TNRC6B: variants seen among roughly 807,000 people sequenced by gnomAD.
The protein encoded by TNRC6B is trinucleotide repeat containing adaptor 6B.
A neutral mutation model predicts 203.6 loss-of-function variants in TNRC6B; 52 were observed. That is an observed-to-expected ratio of 0.26 (90% CI 0.20 to 0.32). The LOEUF (loss-of-function observed/expected upper bound fraction) is 0.32, where lower values mean the gene tolerates loss of function less well. Ranked by LOEUF, TNRC6B falls within the 10% of genes least tolerant of loss-of-function variation. TNRC6B has a pLI of 1.00. For missense variants in TNRC6B, 1,923 were observed against 2,286.2 expected, an observed-to-expected ratio of 0.84 and a Z score of 3.24; for synonymous variants, 838 against 845.7, an observed-to-expected ratio of 0.99 and a Z score of 0.16.
intron 4 of TNRC6B, among the ~76,000 whole-genome samples, chr22:40,172,916 A>G (rs1313718593): frequency 1.3e-5 from 2 of 152,236 alleles, no homozygotes; most frequent in East Asian, 1.9e-4. Context: ...ACTATCATCC[A>G]TCTTATTTAA....
chr22:40,156,018 A>G (rs1362161157), intron 3 of TNRC6B: 10 of 1,066,624 alleles, frequency 9.4e-6, no homozygotes, highest in Non-Finnish European at 1.4e-5. Context: ...CCACAGTGAA[A>G]CGGCCCTGTG....
At chr22:40,299,158 C>CAAAAA (rs796432826) in intron 12 of TNRC6B, among the ~76,000 whole-genome samples, 2 of 103,078 alleles carry the variant, frequency 1.9e-5, no homozygotes, top group African/African-American at 3.9e-5. Context: ...AAAAAAAAAA[C>CAAAAA]AAAAAAAAAA....
chr22:40,266,298 A>G lies in TNRC6B; in HGVS notation c.2068A>G (p.Lys690Glu), dbSNP rs2070478813. ...GGAGCTCTCAGCCTCTACAGAGTGG[A>G]AAGACCCCAAGAACACAGGAGGCTG... is the stretch of plus-strand genomic sequence containing the variant. ...WGELSASTEW[K>E]DPKNTGGWND... Residue 690 changes from lysine (K) to glutamate (E), a missense_variant, in exon 5 of 23, where the codon AAA (lysine) becomes GAA (glutamate). By Grantham distance (56) the Lys-to-Glu change is moderately conservative. Transcript: ENST00000454349. 1.9e-6 allele frequency: 3 copies of G among 1,593,654 alleles called. No individual in the cohort carries two copies. Among genetic ancestry groups the G allele is most frequent in the African/African-American group, 1.3e-5 (1 of 74,490 alleles).
At chr22:40,234,731 CT>C (rs1249251155) in intron 1 of TNRC6B, among the ~76,000 whole-genome samples, 5 of 152,134 alleles carry the variant, frequency 3.3e-5, no homozygotes, top group Non-Finnish European at 4.4e-5. Context: ...TTACCTTAAT[CT>C]TTCTAGTTTT....
chr22:40,192,433 G>A (rs898571379), intron 1 of TNRC6B, among the ~76,000 whole-genome samples: 1 of 152,076 alleles, frequency 6.6e-6, no homozygotes, highest in East Asian at 1.9e-4. Context: ...CCTAGCCAAC[G>A]TGGTGAAACC....
intron 21 of TNRC6B, among the ~76,000 whole-genome samples, chr22:40,317,978 C>G (rs774134284): frequency 4.6e-5 from 7 of 152,172 alleles, no homozygotes; most frequent in Admixed American, 4.6e-4. Flanking sequence ...ATGATTAGGT[C>G]TCTGGCCTAA....
intron 1 of TNRC6B, among the ~76,000 whole-genome samples, chr22:40,214,890 A>C (rs889721811): frequency 6.6e-6 from 1 of 152,160 alleles, no homozygotes; most frequent in African/African-American, 2.4e-5. Flanking sequence ...GTGTATCTAC[A>C]ATTATCTCAA....
chr22:40,249,513 A>G (rs1455797984), intron 2 of TNRC6B, among the ~76,000 whole-genome samples: 1 of 152,214 alleles, frequency 6.6e-6, no homozygotes, highest in African/African-American at 2.4e-5. Flanking sequence ...ATGCTGCTAA[A>G]GGAGCATTGT....
At chr22:40,289,465 C>G (rs563274985) in intron 12 of TNRC6B, among the ~76,000 whole-genome samples, 1 of 152,244 alleles carries the variant, frequency 6.6e-6, no homozygotes, top group African/African-American at 2.4e-5. Context: ...TGATCTTTTC[C>G]TTGCATAATA....
intron 4 of TNRC6B, among the ~76,000 whole-genome samples, chr22:40,164,652 A>G (rs1337468272): frequency 1.4e-5 from 2 of 146,964 alleles, no homozygotes; most frequent in East Asian, 2.1e-4. Flanking sequence ...AATCCAAGCT[A>G]CTAGGAGGCT....
In TNRC6B at chr22:40,323,502, T is replaced by G. The variant is rs972937617; in HGVS notation, c.*261T>G. The G allele has an allele frequency of 5.6e-6, 2 of 355,754 alleles. No individual in the cohort carries two copies. Among genetic ancestry groups the G allele is most frequent in the African/African-American group, 4.3e-5 (2 of 46,680 alleles). The allele number at this position is 355,754 out of a possible 1,614,324, so 22.0% of individuals were successfully genotyped here. On this transcript the variant is annotated 3_prime_UTR_variant, in exon 23 of 23. Transcript: ENST00000454349. ...AATACTTGAATCATGAACGCCAACC[T>G]AGAAAGACAATGTGAAGCAAGTACA...
intron 1 of TNRC6B, among the ~76,000 whole-genome samples, chr22:40,079,365 G>A (rs1473622006): frequency 2.6e-5 from 4 of 152,008 alleles, no homozygotes; most frequent in Admixed American, 1.3e-4. Context: ...TTTATAGACC[G>A]GTGCTTCTGG....
At chr22:40,314,038 A>G (rs1306119698) in intron 19 of TNRC6B, among the ~76,000 whole-genome samples, 1 of 151,786 alleles carries the variant, frequency 6.6e-6, no homozygotes, top group Non-Finnish European at 1.5e-5. Context: ...ACATGTAAAA[A>G]CTTAACTCTG....
chr22:40,291,345 G>A (rs967064484), intron 12 of TNRC6B, among the ~76,000 whole-genome samples: 6 of 151,950 alleles, frequency 3.9e-5, no homozygotes, highest in African/African-American at 7.3e-5. Flanking sequence ...TGGTGACACC[G>A]CTGCAATCCA....
chr22:40,307,387 G>T (rs2071101780), intron 15 of TNRC6B, among the ~76,000 whole-genome samples: 1 of 152,190 alleles, frequency 6.6e-6, no homozygotes, highest in Admixed American at 6.5e-5. Flanking sequence ...TGGGATGCCT[G>T]CGCTCGTGCT....
intron 1 of TNRC6B, among the ~76,000 whole-genome samples, chr22:40,062,472 G>C (rs1395155391): frequency 1.3e-5 from 2 of 152,140 alleles, no homozygotes; most frequent in Non-Finnish European, 2.9e-5. Flanking sequence ...GCCTCCCAAA[G>C]TCCTGTGATT....
At chr22:40,202,141 C>T (rs1195015534) in intron 1 of TNRC6B, among the ~76,000 whole-genome samples, 1 of 152,036 alleles carries the variant, frequency 6.6e-6, no homozygotes, top group Non-Finnish European at 1.5e-5. Context: ...AATATTAATT[C>T]CTACTTCTAG....
intron 1 of TNRC6B, among the ~76,000 whole-genome samples, chr22:40,049,278 C>G (rs950988232): frequency 1.3e-5 from 2 of 151,798 alleles, no homozygotes; most frequent in East Asian, 3.9e-4. Context: ...ACTCCCACCT[C>G]AGCCTCCCAA....
At chr22:40,236,887 G>C (rs1229105789) in intron 1 of TNRC6B, among the ~76,000 whole-genome samples, 2 of 152,136 alleles carry the variant, frequency 1.3e-5, no homozygotes, top group Non-Finnish European at 2.9e-5. Context: ...TCTCTTGGCC[G>C]GGCATGGTGG....
Sources: gnomAD v4.1 joint callset for allele counts (sites outside exome capture counted in the v4.1 genomes callset) on GRCh38, gnomAD v4.1.1 for gene constraint, MANE v1.5 for transcripts, NCBI Gene and HGNC (gene_info 2026-07-23, HGNC 2026-07-21) for gene names.